Variants in AFAP1L1 observed in about 807,000 individuals in gnomAD.
AFAP1L1 encodes the protein actin filament-associated protein 1-like 1.
Under a neutral mutation model 99.8 loss-of-function variants are expected in AFAP1L1, and 77 were observed. The observed-to-expected ratio is 0.77, with a 90% CI of 0.64 to 0.93. The LOEUF is 0.93. Among genes scored for constraint, AFAP1L1 ranks in the 40% least tolerant of loss-of-function variants. The probability of loss-of-function intolerance (pLI) is 0.00; values close to 1 mark genes in which losing one functional copy is unlikely to be tolerated. For missense variants in AFAP1L1, 893 were observed against 996.8 expected (o/e 0.90, Z 1.40); for synonymous variants, 373 against 395.3 (o/e 0.94, Z 0.67).
Position 149,343,328 on chromosome 5 carries a change from T to TA in AFAP1L1, c.*3309dup, listed in dbSNP as rs926392382. Among the ~76,000 whole-genome samples, 96 of 147,124 alleles carry TA rather than the reference T, an allele frequency of 6.5e-4. No homozygotes were observed. The highest frequency in any genetic ancestry group is 1.6e-3 in the African/African-American group (65 of 40,204). Reference sequence around the variant, plus strand: ...GCTCAAGGAACACTTCCCATTCCCTTAAAAAAAAAAATTAAGGGACTATCC... The same window carrying TA: ...GCTCAAGGAACACTTCCCATTCCCTTAAAAAAAAAAAATTAAGGGACTATCC... On this transcript the variant is annotated 3_prime_UTR_variant, in exon 19 of 19. Transcript: ENST00000296721.
intron 15 of AFAP1L1, among the ~76,000 whole-genome samples, chr5:149,323,635 T>C (rs1041788453): frequency 2.0e-5 from 3 of 152,268 alleles, no homozygotes; most frequent in African/African-American, 7.2e-5. Flanking sequence ...CCATTTCATT[T>C]GTATAGATCA....
At chr5:149,285,290 C>G (rs1250100417) in intron 1 of AFAP1L1, among the ~76,000 whole-genome samples, 1 of 152,154 alleles carries the variant, frequency 6.6e-6, no homozygotes, top group East Asian at 1.9e-4. Flanking sequence ...AATATCTAAT[C>G]TAGGCCCTGG....
chr5:149,313,150 G>A (rs1451857273), intron 9 of AFAP1L1, among the ~76,000 whole-genome samples: 2 of 151,792 alleles, frequency 1.3e-5, no homozygotes, highest in Non-Finnish European at 2.9e-5. Context: ...AAGAGAAGGA[G>A]CGTGCCTGTT....
Position 149,319,532 on chromosome 5 carries a change from G to A in AFAP1L1, c.1480-50G>A, listed in dbSNP as rs751961400. On this transcript the variant is annotated intron_variant, in intron 12 of 18. Transcript: ENST00000296721. ...TTGGCTGAAGTCAACAGGTCTCCAGGAGCCCTGACAGTAGGAAAATGAACT... is the reference window on the plus strand; with the variant it reads ...TTGGCTGAAGTCAACAGGTCTCCAGAAGCCCTGACAGTAGGAAAATGAACT... 7.7e-6 allele frequency: 12 copies of A among 1,551,198 alleles called. No homozygotes were observed. In the South Asian group the frequency reaches 1.2e-4, roughly 16 times the overall value.
rs986985358 is a variant in AFAP1L1, at chr5:149,320,734, C to A, written c.1698+271C>A. On this transcript the variant is annotated intron_variant, in intron 14 of 18. Coordinates refer to ENST00000296721, the MANE Select transcript of AFAP1L1 (RefSeq NM_152406.4). The surrounding 1 kb of genome is among the most constrained non-coding windows in gnomAD (Gnocchi z 4.0). ...CTACCAAAAGGTGAGGCATCGTCTC[C>A]GGTTTGAGCAAGTTGCTGGGGCCCT... 6.6e-6 allele frequency among the ~76,000 whole-genome samples: 1 copy of A among 152,152 alleles called. No homozygotes were observed. The highest frequency in any genetic ancestry group is 1.5e-5 in the Non-Finnish European group (1 of 68,022).
At position 149,306,242 on chromosome 5, in the gene AFAP1L1, C is replaced by T. The variant is rs558666565; in HGVS notation, c.437-64C>T. 16 of 1,418,612 alleles carry T rather than the reference C, an allele frequency of 1.1e-5. No homozygotes were observed. The South Asian group carries it at 1.6e-4, about 15-fold the overall frequency. The allele number at this position is 1,418,612 out of a possible 1,614,324, so 87.9% of individuals were successfully genotyped here. A position where few individuals can be genotyped will look rare whatever the true frequency, so the allele number is the denominator to read the frequency against. The stretch of plus-strand genomic sequence containing the variant: ...GGAGCAGGGGTGTCAGGGTCTCCCC[C>T]AGTCCTGGCCCCTGGAGTCTGCCTG... On this transcript the variant is annotated intron_variant, in intron 5 of 18. Coordinates refer to ENST00000296721, the MANE Select transcript of AFAP1L1 (RefSeq NM_152406.4).
chr5:149,290,550 A>G (rs981092736), intron 1 of AFAP1L1, among the ~76,000 whole-genome samples: 12 of 152,132 alleles, frequency 7.9e-5, no homozygotes, highest in Non-Finnish European at 1.0e-4. Context: ...TTCTGAATGT[A>G]TATGTTAGAA....
At chr5:149,286,472 A>C (rs1366719061) in intron 1 of AFAP1L1, among the ~76,000 whole-genome samples, 1 of 152,206 alleles carries the variant, frequency 6.6e-6, no homozygotes, top group Non-Finnish European at 1.5e-5. Context: ...AGCCAACCAC[A>C]TACTCCTATT....
chr5:149,320,479 G>T lies in AFAP1L1; in HGVS notation c.1698+16G>T. ...AAAGATGCAGGTACAGTCCCTTGGG[G>T]CTGCCCAGGAATGTGGCAAAGGCCA... On this transcript the variant is annotated intron_variant, in intron 14 of 18. Transcript: ENST00000296721. The surrounding 1 kb of genome is among the most constrained non-coding windows in gnomAD (Gnocchi z 4.0). 3 of 1,613,390 alleles carry T rather than the reference G, an allele frequency of 1.9e-6. No individual in the cohort carries two copies. The highest frequency in any genetic ancestry group is 1.7e-6 in the Non-Finnish European group (2 of 1,179,386).
chr5:149,280,798 T>A (rs1755492799), intron 1 of AFAP1L1, among the ~76,000 whole-genome samples: 1 of 152,204 alleles, frequency 6.6e-6, no homozygotes, highest in Non-Finnish European at 1.5e-5. Flanking sequence ...GCATTGTGTT[T>A]ATCTTGGCTT....
chr5:149,272,114 G>A, intron 1 of AFAP1L1, 130 bp downstream of exon 1: 1 of 964,758 alleles, frequency 1.0e-6, no homozygotes, highest in Non-Finnish European at 1.3e-6. Flanking sequence ...GCTCGGAGGG[G>A]ACTGGGAGAC....
rs375687008 is a variant in AFAP1L1, at chr5:149,300,352, T to C, written c.227T>C (p.Phe76Ser). 6.2e-7 allele frequency: 1 copy of C among 1,612,440 alleles called. No homozygotes were observed. Among genetic ancestry groups the C allele is most frequent in the African/African-American group, 1.3e-5 (1 of 74,882 alleles). Residue 76 changes from phenylalanine (F) to serine (S), a missense_variant and splice_region_variant, in exon 3 of 19, where the codon TTT becomes TCT. Physicochemically the swap from Phe to Ser is radical, Grantham distance 155. Coordinates refer to ENST00000296721, the MANE Select transcript of AFAP1L1 (RefSeq NM_152406.4). ...TTCGTGGAATCCCTCTTTGAAGAAT[T>C]TGGTAAGTGACCCTCTCCCAACCTC... ...PSFVESLFEEFDCDLSDLRDM... is the reference protein window; with the variant it reads ...PSFVESLFEESDCDLSDLRDM...
intron 9 of AFAP1L1, among the ~76,000 whole-genome samples, chr5:149,313,644 A>G (rs1278653231): frequency 5.9e-5 from 9 of 152,226 alleles, no homozygotes; most frequent in African/African-American, 1.4e-4. Context: ...ATGCAGTCCA[A>G]ACACAAACAG....
chr5:149,319,165 T>G (rs1756882553), intron 12 of AFAP1L1, among the ~76,000 whole-genome samples: 1 of 152,248 alleles, frequency 6.6e-6, no homozygotes, highest in Non-Finnish European at 1.5e-5. Flanking sequence ...GTATTGTACT[T>G]ATTTGGCAAC....
Position 149,332,753 on chromosome 5 carries a change from A to C in AFAP1L1, c.2034A>C (p.Ala678=), listed in dbSNP as rs756949554. 6.2e-7 allele frequency: 1 copy of C among 1,613,910 alleles called. No individual in the cohort carries two copies. The highest frequency in any genetic ancestry group is 2.2e-5 in the East Asian group (1 of 44,884). ...AVATLEAQCR[A]KEERRIDLEL... ...CCACCCTGGAAGCTCAGTGTCGGGC[A>C]AAGGAGGAGCGCCGGATTGACCTGG... The change falls in exon 17 of 19, where the codon GCA becomes GCC. Residue 678 remains alanine, a synonymous_variant. Transcript: ENST00000296721.
At chr5:149,323,875 T>G (rs772566636) in intron 15 of AFAP1L1, among the ~76,000 whole-genome samples, 5 of 152,190 alleles carry the variant, frequency 3.3e-5, no homozygotes, top group Admixed American at 1.3e-4. Flanking sequence ...AAAAAGCATG[T>G]AAGATTAAAG....
rs73275800 is a variant in AFAP1L1 at position 149,286,394 on chromosome 5, G to A, written c.17-13115G>A. The stretch of plus-strand genomic sequence containing the variant: ...CCGCAAACAAACAGCACCAGGGTAG[G>A]GTCTCAGATATTGCAAATAGGTCAG... On this transcript the variant is annotated intron_variant, in intron 1 of 18. Coordinates refer to ENST00000296721, the MANE Select transcript of AFAP1L1 (RefSeq NM_152406.4). Among the ~76,000 whole-genome samples, 516 of 152,110 alleles carry A rather than the reference G, an allele frequency of 3.4e-3. 3 individuals carry two copies. The highest frequency in any genetic ancestry group is 0.012 in the African/African-American group (497 of 41,502).
intron 1 of AFAP1L1, among the ~76,000 whole-genome samples, chr5:149,283,035 A>C (rs1198114833): frequency 6.6e-6 from 1 of 152,126 alleles, no homozygotes; most frequent in African/African-American, 2.4e-5. Context: ...GCAGCACCTA[A>C]GGAAGCTATG....
chr5:149,282,800 G>A (rs1264482700), intron 1 of AFAP1L1, among the ~76,000 whole-genome samples: 1 of 152,178 alleles, frequency 6.6e-6, no homozygotes, highest in Non-Finnish European at 1.5e-5. Flanking sequence ...AGGATTCTGA[G>A]GGTGTGTCCA....
Sources: gnomAD v4.1 joint callset for allele counts (sites outside exome capture counted in the v4.1 genomes callset) on GRCh38, gnomAD v4.1.1 for gene constraint, Gnocchi (gnomAD v3.1) non-coding constraint, MANE v1.5 for transcripts, NCBI Gene and HGNC (gene_info 2026-07-23, HGNC 2026-07-21) for gene names.